The following EXOC6B variants were observed in gnomAD, a reference collection of about 807,000 sequenced individuals.
The protein encoded by EXOC6B is exocyst complex component 6B, also known as SEC15 homolog B.
EXOC6B carries 54 observed loss-of-function variants against 113.5 expected under a neutral mutation model. The observed-to-expected ratio is 0.48, with a 90% CI of 0.38 to 0.60. The LOEUF is 0.60. Ranked by LOEUF, EXOC6B falls within the 20% of genes least tolerant of loss-of-function variation. The pLI is 0.00. For synonymous variants in EXOC6B, 357 were observed against 339.0 expected (o/e 1.05, Z -0.58); for missense variants, 797 against 977.5 (o/e 0.82, Z 2.46).
At chr2:72,597,342 T>C (rs1326052601) in intron 6 of EXOC6B, among the ~76,000 whole-genome samples, 1 of 151,808 alleles carries the variant, frequency 6.6e-6, no homozygotes, top group African/African-American at 2.4e-5. Flanking sequence ...GTATCTGCCC[T>C]ACTATGAAGC....
intron 18 of EXOC6B, among the ~76,000 whole-genome samples, chr2:72,436,528 G>T (rs554603226): frequency 6.6e-6 from 1 of 152,070 alleles, no homozygotes; most frequent in South Asian, 2.1e-4. Flanking sequence ...GTCCCTTTTA[G>T]GTACATCAAT....
In EXOC6B at chr2:72,741,416, C is replaced by A. The variant is rs201814463; in HGVS notation, c.167G>T (p.Arg56Leu). ...HGRFMEKLETRIRNHDREIEK... is the reference protein window; with the variant it reads ...HGRFMEKLETLIRNHDREIEK... ...AATTTCTCGGTCGTGATTACGGATA[C>A]GAGTTTCAAGCTTCTCCATGAAACG... is the stretch of plus-strand genomic sequence containing the variant. Residue 56 changes from arginine to leucine, a missense_variant, in exon 2 of 22, where the codon CGT becomes CTT. By Grantham distance (102) the Arg-to-Leu change is moderately radical (BLOSUM62 -2). Coordinates refer to ENST00000272427, the MANE Select transcript of EXOC6B (RefSeq NM_015189.3). The A allele has an allele frequency of 4.9e-5, 79 of 1,613,464 alleles. No individual in the cohort carries two copies. In the East Asian group the frequency reaches 1.7e-3, roughly 35 times the overall value.
intron 8 of EXOC6B, among the ~76,000 whole-genome samples, chr2:72,547,054 C>T (rs1702949812): frequency 6.6e-6 from 1 of 152,226 alleles, no homozygotes; most frequent in Admixed American, 6.5e-5. Context: ...ATGTCACATG[C>T]ATGCACATAT....
At chr2:72,573,143 A>G (rs1400320091) in intron 7 of EXOC6B, among the ~76,000 whole-genome samples, 6 of 152,244 alleles carry the variant, frequency 3.9e-5, no homozygotes, top group Non-Finnish European at 7.4e-5. Context: ...CAATAGGTCA[A>G]TGATAAAGAA....
At chr2:72,485,770 C>A (rs1699393085) in intron 16 of EXOC6B, among the ~76,000 whole-genome samples, 1 of 152,134 alleles carries the variant, frequency 6.6e-6, no homozygotes, top group African/African-American at 2.4e-5. Context: ...ATATGGTCAA[C>A]AATCTAAATT....
intron 1 of EXOC6B, among the ~76,000 whole-genome samples, chr2:72,794,740 A>G (rs973921627): frequency 6.6e-6 from 1 of 152,240 alleles, no homozygotes; most frequent in African/African-American, 2.4e-5. Flanking sequence ...AGTACAAATA[A>G]TGAGCAAATT....
intron 18 of EXOC6B, among the ~76,000 whole-genome samples, chr2:72,410,879 A>C (rs1694135356): frequency 6.6e-6 from 1 of 152,236 alleles, no homozygotes; most frequent in Non-Finnish European, 1.5e-5. Flanking sequence ...AAGGAATTTT[A>C]GCTCTGGTAC....
chr2:72,643,616 G>A (rs1380883107), intron 6 of EXOC6B, among the ~76,000 whole-genome samples: 1 of 113,216 alleles, frequency 8.8e-6, no homozygotes, highest in Non-Finnish European at 1.8e-5. Context: ...ACTGTTGTGG[G>A]GTGGGGGGAG....
intron 18 of EXOC6B, among the ~76,000 whole-genome samples, chr2:72,435,100 G>A (rs1455279425): frequency 5.3e-5 from 8 of 152,100 alleles, no homozygotes; most frequent in South Asian, 2.1e-4. Context: ...ATTCTGGTAC[G>A]TTGTGTCTTT....
chr2:72,523,076 C>A (rs114090743), intron 8 of EXOC6B, among the ~76,000 whole-genome samples: 2 of 152,134 alleles, frequency 1.3e-5, no homozygotes. Flanking sequence ...GATAAAAACA[C>A]AGGCCACTCA....
chr2:72,681,550 T>A (rs1676702290), intron 6 of EXOC6B, among the ~76,000 whole-genome samples: 1 of 152,204 alleles, frequency 6.6e-6, no homozygotes, highest in South Asian at 2.1e-4. Context: ...TAGCAGCTCT[T>A]AGCCACACCC....
intron 20 of EXOC6B, among the ~76,000 whole-genome samples, chr2:72,224,097 T>C (rs1258548708): frequency 6.6e-6 from 1 of 152,146 alleles, no homozygotes; most frequent in Non-Finnish European, 1.5e-5. Context: ...ATGCATTAAA[T>C]TAATAAAAGG....
At chr2:72,433,962 G>A (rs1253234036) in intron 18 of EXOC6B, among the ~76,000 whole-genome samples, 2 of 152,174 alleles carry the variant, frequency 1.3e-5, no homozygotes, top group East Asian at 3.9e-4. Flanking sequence ...TGGTGAGAGA[G>A]GGCAACCTTG....
intron 17 of EXOC6B, among the ~76,000 whole-genome samples, chr2:72,478,853 T>C (rs1458634852): frequency 1.3e-5 from 2 of 152,232 alleles, no homozygotes; most frequent in Non-Finnish European, 1.5e-5. Context: ...TATTATCTAC[T>C]TAACACTGAA....
chr2:72,262,582 T>C (rs912120924), intron 20 of EXOC6B, among the ~76,000 whole-genome samples: 2 of 152,202 alleles, frequency 1.3e-5, no homozygotes, highest in African/African-American at 4.8e-5. Flanking sequence ...TTATAAGCTA[T>C]ACTCACCTTT....
At chr2:72,248,773 A>C (rs1332644965) in intron 20 of EXOC6B, among the ~76,000 whole-genome samples, 1 of 152,244 alleles carries the variant, frequency 6.6e-6, no homozygotes. Flanking sequence ...AGTGGCCTGC[A>C]ACATTAAAAT....
intron 20 of EXOC6B, among the ~76,000 whole-genome samples, chr2:72,271,109 T>C (rs1331486165): frequency 6.6e-6 from 1 of 152,134 alleles, no homozygotes; most frequent in Admixed American, 6.6e-5. Context: ...TTTGACATGT[T>C]TCCTATTATG....
chr2:72,700,585 A>T (rs749184810), intron 6 of EXOC6B, among the ~76,000 whole-genome samples: 3 of 152,214 alleles, frequency 2.0e-5, no homozygotes, highest in Non-Finnish European at 2.9e-5. Context: ...GTTTGAGAAA[A>T]TGAAAAAGTT....
chr2:72,259,389 T>G (rs893531434), intron 20 of EXOC6B, among the ~76,000 whole-genome samples: 3 of 152,254 alleles, frequency 2.0e-5, no homozygotes, highest in Non-Finnish European at 2.9e-5. Context: ...AAGAATAGTA[T>G]TCAATTGTAT....
Sources: gnomAD v4.1 joint callset for allele counts (sites outside exome capture counted in the v4.1 genomes callset) on GRCh38, gnomAD v4.1.1 for gene constraint, MANE v1.5 for transcripts, NCBI Gene and HGNC (gene_info 2026-07-23, HGNC 2026-07-21) for gene names.